Variants in GRK5 observed in about 807,000 individuals in gnomAD.
GRK5 encodes g protein-coupled receptor kinase GRK5.
In GRK5, 40 loss-of-function variants were observed where a neutral mutation model predicts 78.4. The ratio of observed to expected loss-of-function variants is 0.51; its 90% CI spans 0.40 to 0.66. GRK5 has a LOEUF of 0.66. GRK5 is among the 30% of genes least tolerant of loss of function. The pLI is 0.00. For missense variants in GRK5, 598 were observed against 759.9 expected (o/e 0.79, Z 2.50); for synonymous variants, 289 against 296.8 (o/e 0.97, Z 0.27).
intron 1 of GRK5, among the ~76,000 whole-genome samples, chr10:119,272,528 A>G (rs533634251): frequency 3.1e-4 from 47 of 149,532 alleles, no homozygotes; most frequent in Non-Finnish European, 5.2e-4. Flanking sequence ...GTGAGCCGAG[A>G]TCATGCAGTT....
chr10:119,213,003 G>A (rs563863344), intron 1 of GRK5: 4 of 152,338 alleles, frequency 2.6e-5, no homozygotes, highest in African/African-American at 9.6e-5. Context: ...TTTCGGGAGT[G>A]GGGACCACCA....
At chr10:119,381,138 C>A (rs1360424971) in intron 3 of GRK5, among the ~76,000 whole-genome samples, 1 of 152,218 alleles carries the variant, frequency 6.6e-6, no homozygotes, top group African/African-American at 2.4e-5. Context: ...TGGGCCCCCT[C>A]CCCTCTGGAC....
chr10:119,341,805 A>AT (rs1850985845), intron 2 of GRK5, among the ~76,000 whole-genome samples: 1 of 152,070 alleles, frequency 6.6e-6, no homozygotes, highest in South Asian at 2.1e-4. Context: ...TGTTAGACTG[A>AT]TTGCTGATGG....
chr10:119,236,666 G>A (rs1033054237), intron 1 of GRK5, among the ~76,000 whole-genome samples: 1 of 152,134 alleles, frequency 6.6e-6, no homozygotes, highest in East Asian at 1.9e-4. Flanking sequence ...TTGAGACGGA[G>A]TCTTGCTCTG....
At chr10:119,220,464 T>A (rs1488294291) in intron 1 of GRK5, among the ~76,000 whole-genome samples, 1 of 152,194 alleles carries the variant, frequency 6.6e-6, no homozygotes, top group East Asian at 1.9e-4. Context: ...CACCTCTTAG[T>A]TTATGCTTCA....
intron 1 of GRK5, among the ~76,000 whole-genome samples, chr10:119,260,222 C>T (rs997635631): frequency 2.6e-5 from 4 of 152,204 alleles, no homozygotes; most frequent in East Asian, 1.9e-4. Flanking sequence ...AGGATGGTCT[C>T]GATCTCCTGA....
intron 1 of GRK5, among the ~76,000 whole-genome samples, chr10:119,232,753 C>T (rs1848851758): frequency 6.6e-6 from 1 of 152,196 alleles, no homozygotes; most frequent in Non-Finnish European, 1.5e-5. Flanking sequence ...CCATGTGAAA[C>T]TGAAAGTCCA....
Position 119,445,295 on chromosome 10 carries a change from A to C in GRK5, c.1266+1543A>C, listed in dbSNP as rs1853121378. 6.6e-6 allele frequency among the ~76,000 whole-genome samples: 1 copy of C among 152,194 alleles called. No individual in the cohort carries two copies. The highest frequency in any genetic ancestry group is 1.5e-5 in the Non-Finnish European group (1 of 68,034). The stretch of plus-strand genomic sequence containing the variant: ...GAGACAAGGGAAAGAAGAAGGGGTC[A>C]GACAGCCGTGGGCAGAGCATCACCA... On this transcript the variant is annotated intron_variant, in intron 12 of 15. Coordinates refer to ENST00000392870, the MANE Select transcript of GRK5 (RefSeq NM_005308.3). The surrounding 1 kb of genome is among the most constrained non-coding windows in gnomAD (Gnocchi z 4.1).
At chr10:119,266,542 C>T (rs1006376812) in intron 1 of GRK5, among the ~76,000 whole-genome samples, 2 of 152,112 alleles carry the variant, frequency 1.3e-5, no homozygotes, top group Admixed American at 6.5e-5. Flanking sequence ...TGGGCTTTTC[C>T]TTCCCTTCAT....
chr10:119,417,895 C>T (rs528534279), intron 4 of GRK5, among the ~76,000 whole-genome samples: 1 of 152,188 alleles, frequency 6.6e-6, no homozygotes, highest in African/African-American at 2.4e-5. Flanking sequence ...AGAAAAACAT[C>T]CCAGGCAAGT....
intron 4 of GRK5, among the ~76,000 whole-genome samples, chr10:119,401,550 G>C (rs896969077): frequency 6.6e-6 from 1 of 152,200 alleles, no homozygotes; most frequent in Non-Finnish European, 1.5e-5. Context: ...GCATGGGTTT[G>C]GGAAAGTTGC....
intron 2 of GRK5, among the ~76,000 whole-genome samples, chr10:119,343,395 A>G (rs944294817): frequency 6.6e-6 from 1 of 152,190 alleles, no homozygotes; most frequent in African/African-American, 2.4e-5. Flanking sequence ...CACTCGTCCA[A>G]TCACTACAAA....
chr10:119,445,139 A>G lies in GRK5; in HGVS notation c.1266+1387A>G, dbSNP rs1255084707. Among the ~76,000 whole-genome samples the G allele has an allele frequency of 6.6e-6, 1 of 152,100 alleles. No homozygotes were observed. The highest frequency in any genetic ancestry group is 1.5e-5 in the Non-Finnish European group (1 of 68,010). Reference sequence around the variant, plus strand: ...CAGCTGGGGCCTCAGAGAAAGCCACATGGTCATCGCAGCCAGGGCTAGGGT... The same window carrying G: ...CAGCTGGGGCCTCAGAGAAAGCCACGTGGTCATCGCAGCCAGGGCTAGGGT... On this transcript the variant is annotated intron_variant, in intron 12 of 15. Transcript: ENST00000392870. This position sits in a 1 kb window ranked among gnomAD's most constrained non-coding sequence, Gnocchi z 4.1.
At position 119,436,720 on chromosome 10, in the gene GRK5, G is replaced by C; in HGVS notation, c.808G>C (p.Asp270His). The C allele has an allele frequency of 6.2e-7, 1 of 1,614,230 alleles. No individual in the cohort carries two copies. The highest frequency in any genetic ancestry group is 8.5e-7 in the Non-Finnish European group (1 of 1,180,038). ...CLVLTIMNGG[D>H]LKFHIYNMGN... ...GGTCCTGACCATCATGAATGGGGGT[G>C]ACCTGAAGTTCCACATCTACAACAT... The change falls in exon 9 of 16, where the codon GAC becomes CAC. Residue 270 changes from aspartate to histidine, a missense_variant. By Grantham distance (81) the Asp-to-His change is moderately conservative. Transcript: ENST00000392870.
chr10:119,288,506 T>C (rs1253913891), intron 1 of GRK5, among the ~76,000 whole-genome samples: 1 of 152,242 alleles, frequency 6.6e-6, no homozygotes, highest in Non-Finnish European at 1.5e-5. Flanking sequence ...CTTTAGCTAC[T>C]GCTGAGATGC....
rs545949470 is a variant in GRK5 at position 119,227,526 on chromosome 10, G to A, written c.52+19557G>A. 5.1e-4 allele frequency among the ~76,000 whole-genome samples: 78 copies of A among 152,232 alleles called. 3 individuals are homozygous for A. The South Asian group carries it at 0.015, about 29-fold the overall frequency. ...CAGAGATTTGCAGTGAGCTGAGATC[G>A]TGGCACTGCACTCCAGCCTGGGTGA... is the stretch of plus-strand genomic sequence containing the variant. On this transcript the variant is annotated intron_variant, in intron 1 of 15. Transcript: ENST00000392870.
intron 6 of GRK5, among the ~76,000 whole-genome samples, chr10:119,429,456 G>T (rs536423165): frequency 2.6e-5 from 4 of 151,272 alleles, no homozygotes; most frequent in African/African-American, 9.7e-5. Context: ...CAATTTTCAC[G>T]TTTTAAGCTG....
chr10:119,219,753 A>G (rs1200343549), intron 1 of GRK5, among the ~76,000 whole-genome samples: 4 of 152,194 alleles, frequency 2.6e-5, no homozygotes, highest in Admixed American at 2.0e-4. Context: ...GTCGTTTTGG[A>G]AGAAATAAAT....
intron 1 of GRK5, among the ~76,000 whole-genome samples, chr10:119,323,354 A>G (rs934157744): frequency 2.0e-5 from 3 of 152,242 alleles, no homozygotes; most frequent in Non-Finnish European, 4.4e-5. Context: ...CATGCCTGCC[A>G]GGTCTGAGAA....
Sources: allele counts gnomAD v4.1 joint callset (sites outside exome capture counted in the v4.1 genomes callset), GRCh38; gene constraint gnomAD v4.1.1; non-coding constraint Gnocchi (gnomAD v3.1); transcripts MANE v1.5; gene names NCBI Gene and HGNC (gene_info 2026-07-23, HGNC 2026-07-21).